The following FABP6 variants were observed in gnomAD, a reference collection of about 807,000 sequenced individuals.
The protein encoded by FABP6 is fatty acid binding protein 6.
In FABP6, 13 loss-of-function variants were observed where a neutral mutation model predicts 14.9. That is an observed-to-expected ratio of 0.87 (90% confidence interval 0.57 to 1.39). The LOEUF (loss-of-function observed/expected upper bound fraction) is 1.39, where lower values mean the gene tolerates loss of function less well. Ranked by LOEUF, FABP6 falls within the 40% of genes most tolerant of loss-of-function variation. The pLI is 0.00. For synonymous variants in FABP6, 75 were observed against 63.6 expected, an observed-to-expected ratio of 1.18 and a Z score of -0.85; for missense variants, 161 against 167.2, an observed-to-expected ratio of 0.96 and a Z score of 0.20.
At chr5:160,224,260 T>A (rs1035068007) in intron 3 of FABP6, among the ~76,000 whole-genome samples, 1 of 151,274 alleles carries the variant, frequency 6.6e-6, no homozygotes, top group Non-Finnish European at 1.5e-5. Context: ...AAATAAAAAT[T>A]AAAAAATAAA....
At chr5:160,237,104 A>C (rs113975888) in intron 3 of FABP6, among the ~76,000 whole-genome samples, 1 of 152,170 alleles carries the variant, frequency 6.6e-6, no homozygotes, top group African/African-American at 2.4e-5. Context: ...GATCTGATGA[A>C]AGGGCTTTTG....
chr5:160,233,445 G>A (rs1384634909), intron 2 of FABP6, among the ~76,000 whole-genome samples: 1 of 152,170 alleles, frequency 6.6e-6, no homozygotes, highest in Admixed American at 6.5e-5. Context: ...GTATGCAAAA[G>A]GAGACTACAT....
At chr5:160,225,594 G>A (rs1445905012), upstream of FABP6, among the ~76,000 whole-genome samples, 1 of 151,468 alleles carries the variant, frequency 6.6e-6, no homozygotes, top group African/African-American at 2.4e-5. Flanking sequence ...AGTAGAGATG[G>A]GTTTCACTGT....
intron 2 of FABP6, among the ~76,000 whole-genome samples, chr5:160,208,836 G>C (rs1759825053): frequency 6.7e-6 from 1 of 150,370 alleles, no homozygotes; most frequent in Non-Finnish European, 1.5e-5. Context: ...GAGTGCAGTG[G>C]TGTGATCTCG....
At chr5:160,237,093 G>A (rs1561758683) in intron 3 of FABP6, among the ~76,000 whole-genome samples, 1 of 152,144 alleles carries the variant, frequency 6.6e-6, no homozygotes, top group Non-Finnish European at 1.5e-5. Context: ...ACATTTTGAA[G>A]GATCTGATGA....
chr5:160,238,528 C>G (rs1760568592), intron 3 of FABP6, 78 bp from the exon 4 acceptor site: 1 of 1,286,156 alleles, frequency 7.8e-7, no homozygotes, highest in Non-Finnish European at 1.1e-6. Context: ...GGGTTGGAGA[C>G]TCATCTTCCT....
chr5:160,220,298 C>T (rs949031206), intron 3 of FABP6, among the ~76,000 whole-genome samples: 1 of 152,114 alleles, frequency 6.6e-6, no homozygotes, highest in East Asian at 1.9e-4. Flanking sequence ...TCTGGAAGAT[C>T]GGTATTTTTT....
Position 160,199,952 on chromosome 5 carries a change from GC to G in FABP6, c.51+798del, listed in dbSNP as rs375392644. Among the ~76,000 whole-genome samples the G allele has an allele frequency of 4.3e-4, 65 of 152,296 alleles. 1 individual carries two copies. In the East Asian group the frequency reaches 8.7e-3, roughly 20 times the overall value. On this transcript the variant is annotated intron_variant, in intron 2 of 6. Coordinates refer to the FABP6 transcript ENST00000393980. ...TCCCTCCCACCTACCCCAGCCAGGGGCCCTCTGACTGTGCCACTCACCGTGC... is the reference window on the plus strand; with the variant it reads ...TCCCTCCCACCTACCCCAGCCAGGGGCCTCTGACTGTGCCACTCACCGTGC...
intron 3 of FABP6, among the ~76,000 whole-genome samples, chr5:160,220,948 C>G (rs1301186245): frequency 6.6e-6 from 1 of 151,612 alleles, no homozygotes; most frequent in East Asian, 1.9e-4. Context: ...ATTAGCCGGG[C>G]GTGGTCTATG....
chr5:160,190,389 C>T (rs565099667), intron 1 of FABP6, among the ~76,000 whole-genome samples: 4 of 152,084 alleles, frequency 2.6e-5, no homozygotes, highest in Non-Finnish European at 4.4e-5. Context: ...TGCACCACCA[C>T]GTCCAGCTAA....
intron 3 of FABP6, among the ~76,000 whole-genome samples, chr5:160,223,363 T>TCCTTCCTTCCTTCCTTCCC (rs1554113809): frequency 3.8e-5 from 3 of 78,946 alleles, no homozygotes; most frequent in Non-Finnish European, 2.4e-5. Flanking sequence ...CCTTCCTTCT[T>TCCTTCCTTCCTTCCTTCCC]TCCCTCCCTC....
exon 2 of FABP6, chr5:160,199,157 G>C (rs1223605551): frequency 6.2e-7 from 1 of 1,614,136 alleles, no homozygotes; most frequent in Non-Finnish European, 8.5e-7. Flanking sequence ...CGCTGACTCA[G>C]GTAGCTCCGT....
At chr5:160,199,126 T>C in exon 2 of FABP6, 1 of 1,614,078 alleles carries the variant, frequency 6.2e-7, no homozygotes, top group Non-Finnish European at 8.5e-7. Flanking sequence ...GTGACGATGA[T>C]GATGGTGGTG....
intron 2 of FABP6, among the ~76,000 whole-genome samples, chr5:160,202,772 C>T (rs1317539252): frequency 6.8e-6 from 1 of 147,450 alleles, no homozygotes; most frequent in East Asian, 2.0e-4. Flanking sequence ...GCACTCCAGC[C>T]TGGGGAACAG....
chr5:160,232,321 C>G, intron 2 of FABP6, 48 bp downstream of exon 2: 1 of 1,512,058 alleles, frequency 6.6e-7, no homozygotes, highest in Non-Finnish European at 8.9e-7. Flanking sequence ...CTCCATCTGA[C>G]TTCTCCTTCT....
At chr5:160,233,262 G>A (rs1220047576) in intron 2 of FABP6, among the ~76,000 whole-genome samples, 1 of 151,886 alleles carries the variant, frequency 6.6e-6, no homozygotes, top group African/African-American at 2.4e-5. Context: ...TTACAGGTGT[G>A]AGCCACCGTG....
Position 160,232,270 on chromosome 5 carries a change from C to CA in FABP6, c.242dup (p.Ala82GlyfsTer26). On this transcript the variant is annotated frameshift_variant, in exon 2 of 4. Coordinates refer to ENST00000402432, the MANE Select transcript of FABP6 (RefSeq NM_001445.3). LOFTEE classifies it high-confidence loss of function. ...TACAGACAATGGGGGGCAAGACGTT[C>CA]AAGGTGAGAGGCCACTGGCTGTCCC... 6.2e-7 allele frequency: 1 copy of CA among 1,602,200 alleles called. No individual in the cohort carries two copies. The highest frequency in any genetic ancestry group is 8.5e-7 in the Non-Finnish European group (1 of 1,174,030).
chr5:160,202,990 C>T (rs1759677501), intron 2 of FABP6, among the ~76,000 whole-genome samples: 1 of 151,720 alleles, frequency 6.6e-6, no homozygotes, highest in Non-Finnish European at 1.5e-5. Flanking sequence ...CAACCTCTGC[C>T]TCCCAGGTTC....
intron 3 of FABP6, among the ~76,000 whole-genome samples, chr5:160,223,794 A>T (rs925788152): frequency 6.6e-6 from 1 of 151,638 alleles, no homozygotes; most frequent in Admixed American, 6.6e-5. Context: ...TCCCTGAGAC[A>T]CAATATCGAA....
Sources: allele counts gnomAD v4.1 joint callset (sites outside exome capture counted in the v4.1 genomes callset), GRCh38; gene constraint gnomAD v4.1.1; transcripts MANE v1.5; gene names NCBI Gene and HGNC (gene_info 2026-07-23, HGNC 2026-07-21).